Variants in DNAH5 observed in about 807,000 individuals in gnomAD.
DNAH5 encodes dynein axonemal heavy chain 5.
Under a neutral mutation model 518.2 loss-of-function variants are expected in DNAH5, and 372 were observed. The ratio of observed to expected loss-of-function variants is 0.72; its 90% CI spans 0.66 to 0.78. The LOEUF (loss-of-function observed/expected upper bound fraction) is 0.78, where lower values mean the gene tolerates loss of function less well. DNAH5 is among the 30% of genes least tolerant of loss of function. DNAH5 has a pLI of 0.00. For missense variants in DNAH5, 5,523 were observed against 5,687.0 expected (o/e 0.97, Z 0.93); for synonymous variants, 2,039 against 2,025.9 (o/e 1.01, Z -0.17).
intron 65 of DNAH5, among the ~76,000 whole-genome samples, chr5:13,741,676 A>T (rs1357620685): frequency 2.0e-5 from 3 of 152,208 alleles, no homozygotes; most frequent in African/African-American, 4.8e-5. Context: ...CATATTTATA[A>T]ATTTCACACA....
intron 72 of DNAH5, among the ~76,000 whole-genome samples, chr5:13,717,942 C>A (rs1744525097): frequency 6.6e-6 from 1 of 152,044 alleles, no homozygotes; most frequent in African/African-American, 2.4e-5. Flanking sequence ...ATATAGAAGC[C>A]CTTTGCACCT....
intron 31 of DNAH5, among the ~76,000 whole-genome samples, chr5:13,849,927 A>C (rs544391560): frequency 2.6e-5 from 4 of 152,308 alleles, no homozygotes; most frequent in Non-Finnish European, 5.9e-5. Flanking sequence ...GGCTTAGATG[A>C]CCTGAGTCCC....
chr5:13,745,900 C>G (rs1749261765), intron 65 of DNAH5, among the ~76,000 whole-genome samples: 1 of 151,986 alleles, frequency 6.6e-6, no homozygotes, highest in Non-Finnish European at 1.5e-5. Context: ...GTCAAAGACA[C>G]TGCATTGTCA....
Position 13,728,664 on chromosome 5 carries a change from G to T in DNAH5, c.11883+775C>A, listed in dbSNP as rs975492747. ...ACCAGTGATAAGCCAAAACATAAAA[G>T]GATAGCAGAACATAAGCAAATGGTC... On this transcript the variant is annotated intron_variant, in intron 69 of 78. Transcript: ENST00000265104. Among the ~76,000 whole-genome samples, 6 of 152,210 alleles carry T rather than the reference G, an allele frequency of 3.9e-5. No individual in the cohort carries two copies. The South Asian group carries it at 6.2e-4, about 16-fold the overall frequency.
chr5:13,784,180 G>T (rs1293943552), intron 52 of DNAH5, among the ~76,000 whole-genome samples: 1 of 152,092 alleles, frequency 6.6e-6, no homozygotes, highest in African/African-American at 2.4e-5. Context: ...GAAATCCCAG[G>T]TCATTCAGAT....
rs1285937528 is a variant in DNAH5 at position 13,716,647 on chromosome 5, T to A, written c.12749A>T (p.Gln4250Leu). The change falls in exon 74 of 79, where the codon CAA becomes CTA. Residue 4250 changes from glutamine (Q) to leucine (L), a missense_variant. Around this residue, in one of 3 missense-constraint regions of DNAH5, gnomAD observed 5,121 missense variants for 5,223.3 expected, o/e 0.98. Coordinates refer to ENST00000265104, the MANE Select transcript of DNAH5 (RefSeq NM_001369.3). Reference protein sequence around the residue: ...TTIRYMIGEIQYGGRVTDDYD... With the variant: ...TTIRYMIGEILYGGRVTDDYD... The stretch of plus-strand genomic sequence containing the variant: ...GTCGTCAGTGACTCTGCCTCCATAT[T>A]GAATCTCTCCTATCATGTAGCGGAT... 6.2e-7 allele frequency: 1 copy of A among 1,613,960 alleles called. No homozygotes were observed.
chr5:13,806,613 AT>A (rs376467638), intron 47 of DNAH5, among the ~76,000 whole-genome samples: 8 of 152,224 alleles, frequency 5.3e-5, no homozygotes, highest in African/African-American at 1.9e-4. Flanking sequence ...AATTTATGAC[AT>A]GTATCTTCTG....
intron 28 of DNAH5, among the ~76,000 whole-genome samples, 167 bp from the exon 29 acceptor site, chr5:13,862,914 A>C (rs1768690692): frequency 6.6e-6 from 1 of 151,758 alleles, no homozygotes; most frequent in African/African-American, 2.4e-5. Flanking sequence ...CAGAAGGTGT[A>C]TACGCAGATA....
At chr5:13,865,016 T>G (rs1014134524) in intron 27 of DNAH5, among the ~76,000 whole-genome samples, 100 of 150,406 alleles carry the variant, frequency 6.6e-4, no homozygotes, top group African/African-American at 2.2e-3. Context: ...CTTTTTTTTT[T>G]TTTTTTTTTT....
At chr5:13,748,877 C>A (rs893584682) in intron 65 of DNAH5, among the ~76,000 whole-genome samples, 2 of 152,004 alleles carry the variant, frequency 1.3e-5, no homozygotes, top group African/African-American at 4.8e-5. Context: ...TTATTTCTTT[C>A]TCCTGCTTGA....
chr5:13,699,326 G>T lies in DNAH5; in HGVS notation c.13723+1314C>A, dbSNP rs1741769486. The stretch of plus-strand genomic sequence containing the variant: ...TCCTTCACTAGACTGTGAGTCTCTG[G>T]GAGCTGGATCTGGTTCATAATGATC... On this transcript the variant is annotated intron_variant, in intron 78 of 78. Coordinates refer to ENST00000265104, the MANE Select transcript of DNAH5 (RefSeq NM_001369.3). Among the ~76,000 whole-genome samples, 4 of 152,052 alleles carry T rather than the reference G, an allele frequency of 2.6e-5. No individual in the cohort carries two copies. The South Asian group carries it at 8.3e-4, about 32-fold the overall frequency.
chr5:13,943,687 AAAC>A (rs902172070), intron 1 of DNAH5, among the ~76,000 whole-genome samples: 1 of 152,130 alleles, frequency 6.6e-6, no homozygotes, highest in African/African-American at 2.4e-5. Flanking sequence ...TTTGTGGTAA[AAAC>A]AACAGGCTAG....
In DNAH5 at chr5:13,735,206, T is replaced by C. The variant is rs750490042; in HGVS notation, c.11686A>G (p.Thr3896Ala). The C allele has an allele frequency of 1.9e-6, 3 of 1,614,048 alleles. No individual in the cohort carries two copies. The Admixed American group carries it at 5.0e-5, about 27-fold the overall frequency. Residue 3896 changes from threonine (T) to alanine (A), a missense_variant, in exon 68 of 79, where the codon ACC becomes GCC. By Grantham distance (58) the Thr-to-Ala change is moderately conservative. Coordinates refer to ENST00000265104, the MANE Select transcript of DNAH5 (RefSeq NM_001369.3). Reference sequence around the variant, plus strand: ...TCAATCTTTAGGGTAAGCAACAAGGTGAACAGGAATTTGTGCTCCTCGTAC... The same window carrying C: ...TCAATCTTTAGGGTAAGCAACAAGGCGAACAGGAATTTGTGCTCCTCGTAC... The part of the protein sequence containing the change: ...GLYEEHKFLF[T>A]LLLTLKIDIQ...
At chr5:13,852,263 G>A (rs1766982419) in intron 30 of DNAH5, among the ~76,000 whole-genome samples, 1 of 152,116 alleles carries the variant, frequency 6.6e-6, no homozygotes, top group Admixed American at 6.5e-5. Context: ...CGCCTCCCAG[G>A]TTCAAGCGAT....
At chr5:13,852,095 C>T (rs6872290) in intron 30 of DNAH5, among the ~76,000 whole-genome samples, 2 of 30,808 alleles carry the variant, frequency 6.5e-5, no homozygotes, top group Admixed American at 4.8e-4. Flanking sequence ...CAGGTGCCTA[C>T]CCCACAAGGG....
At chr5:13,714,674 A>G in intron 74 of DNAH5, 54 bp from the exon 75 acceptor site, 1 of 1,569,538 alleles carries the variant, frequency 6.4e-7, no homozygotes, top group East Asian at 2.3e-5. Context: ...GCACCGTCTA[A>G]ATTACACTAT....
In DNAH5 at chr5:13,830,221, A is replaced by C; in HGVS notation, c.6062-8T>G. On this transcript the variant is annotated splice_region_variant and splice_polypyrimidine_tract_variant and intron_variant, in intron 36 of 78. Coordinates refer to ENST00000265104, the MANE Select transcript of DNAH5 (RefSeq NM_001369.3). ...ATCCAGACTGTGCCAGTCCTTCGAA[A>C]GGAAATTAAATGAAAAATCCAATTA... 6.2e-7 allele frequency: 1 copy of C among 1,612,974 alleles called. No homozygotes were observed. The highest frequency in any genetic ancestry group is 8.5e-7 in the Non-Finnish European group (1 of 1,178,994).
chr5:13,885,021 C>A lies in DNAH5; in HGVS notation c.2951G>T (p.Arg984Leu). 1 of 1,614,168 alleles carries A rather than the reference C, an allele frequency of 6.2e-7. No homozygotes were observed. The highest frequency in any genetic ancestry group is 2.2e-5 in the East Asian group (1 of 44,876). Reference sequence around the variant, plus strand: ...GTTAATTGTGTGAGAGGAATGAATACGTTTGCGAATGGCCTCTAGTGTATT... The same window carrying A: ...GTTAATTGTGTGAGAGGAATGAATAAGTTTGCGAATGGCCTCTAGTGTATT... ...TRNTLEAIRK[R>L]IHSSHTINFR... The change falls in exon 19 of 79, where the codon CGT becomes CTT. Residue 984 changes from arginine to leucine, a missense_variant. By Grantham distance (102) the Arg-to-Leu change is moderately radical. Around this residue, in one of 3 missense-constraint regions of DNAH5, gnomAD observed 5,121 missense variants for 5,223.3 expected, o/e 0.98. Coordinates refer to ENST00000265104, the MANE Select transcript of DNAH5 (RefSeq NM_001369.3).
chr5:13,768,082 C>T (rs1752751776), intron 58 of DNAH5, among the ~76,000 whole-genome samples: 1 of 152,140 alleles, frequency 6.6e-6, no homozygotes, highest in Non-Finnish European at 1.5e-5. Context: ...AAAATCCAAC[C>T]TCTTTTGTAA....
Sources: gnomAD v4.1 joint callset for allele counts (sites outside exome capture counted in the v4.1 genomes callset) on GRCh38, gnomAD v4.1.1 for gene constraint, gnomAD v4.1.1 regional missense constraint, MANE v1.5 for transcripts, NCBI Gene and HGNC (gene_info 2026-07-23, HGNC 2026-07-21) for gene names.